Variants in CADM2 observed in about 807,000 individuals in gnomAD.
CADM2 encodes cell adhesion molecule 2.
In CADM2, 12 loss-of-function variants were observed where a neutral mutation model predicts 49.8. That is an observed-to-expected ratio of 0.24 (90% CI 0.15 to 0.39). The LOEUF (loss-of-function observed/expected upper bound fraction) is 0.39. CADM2 is among the 10% of genes least tolerant of loss of function. The pLI is 1.00. For missense variants in CADM2, 378 were observed against 492.3 expected (o/e 0.77, Z 2.20); for synonymous variants, 214 against 175.4 (o/e 1.22, Z -1.74).
At chr3:84,975,837 A>G (rs1468932532) in intron 1 of CADM2, among the ~76,000 whole-genome samples, 2 of 151,882 alleles carry the variant, frequency 1.3e-5, no homozygotes, top group African/African-American at 2.4e-5. Context: ...CTTCTAAACT[A>G]ATAAGCATAA....
At position 85,789,748 on chromosome 3, in the gene CADM2, G is replaced by T. The variant is rs796308141; in HGVS notation, c.89-12299G>T. Among the ~76,000 whole-genome samples, 17 of 152,126 alleles carry T rather than the reference G, an allele frequency of 1.1e-4. 1 individual carries two copies. The highest frequency in any genetic ancestry group is 3.9e-4 in the African/African-American group (16 of 41,512). ...TAATAAAAACAAAATATATTTTAAA[G>T]TCTTCATTACAAAAATCTATTTTTG... is the stretch of plus-strand genomic sequence containing the variant. On this transcript the variant is annotated intron_variant, in intron 2 of 9. Coordinates refer to ENST00000383699, the MANE Select transcript of CADM2 (RefSeq NM_001167675.2).
At chr3:84,974,068 T>G (rs1339470458) in intron 1 of CADM2, among the ~76,000 whole-genome samples, 6 of 152,082 alleles carry the variant, frequency 3.9e-5, no homozygotes, top group Non-Finnish European at 8.8e-5. Flanking sequence ...TGGCATCATA[T>G]TTTACTTCCT....
chr3:85,877,537 T>A (rs986405765), intron 3 of CADM2, among the ~76,000 whole-genome samples: 7 of 152,054 alleles, frequency 4.6e-5, no homozygotes, highest in Non-Finnish European at 5.9e-5. Flanking sequence ...AACCGTAAGG[T>A]AAAATGAAAA....
chr3:85,815,128 A>G (rs924289695), intron 3 of CADM2, among the ~76,000 whole-genome samples: 2 of 152,152 alleles, frequency 1.3e-5, no homozygotes, highest in African/African-American at 2.4e-5. Context: ...GAAAAAGTCC[A>G]GAACCAGACG....
intron 1 of CADM2, among the ~76,000 whole-genome samples, chr3:85,002,233 A>C (rs963375845): frequency 2.6e-5 from 4 of 151,908 alleles, no homozygotes; most frequent in Non-Finnish European, 5.9e-5. Flanking sequence ...TGTTTATGCT[A>C]TATGGTTATT....
chr3:85,760,990 A>G (rs1047524109), intron 2 of CADM2, among the ~76,000 whole-genome samples: 6 of 152,154 alleles, frequency 3.9e-5, no homozygotes, highest in African/African-American at 1.4e-4. Context: ...CATGAGTCCT[A>G]CTGTTAGTAT....
At chr3:85,786,857 T>A (rs1012957528) in intron 2 of CADM2, among the ~76,000 whole-genome samples, 12 of 152,060 alleles carry the variant, frequency 7.9e-5, no homozygotes, top group Admixed American at 7.2e-4. Context: ...GAAAATTATT[T>A]CTATGATATT....
At chr3:85,530,321 C>CTTTTTTTTTTTT (rs2061270952) in intron 1 of CADM2, among the ~76,000 whole-genome samples, 1 of 119,058 alleles carries the variant, frequency 8.4e-6, no homozygotes, top group African/African-American at 3.9e-5. Context: ...TTCTTTTCTC[C>CTTTTTTTTTTTT]GTTTTTTTTT....
chr3:85,889,456 G>T (rs948403975), intron 5 of CADM2, among the ~76,000 whole-genome samples: 1 of 152,110 alleles, frequency 6.6e-6, no homozygotes, highest in Non-Finnish European at 1.5e-5. Context: ...GTGCGTGTTT[G>T]CCATTGTGTT....
At chr3:85,363,615 A>T (rs192345935) in intron 1 of CADM2, among the ~76,000 whole-genome samples, 123 of 152,062 alleles carry the variant, frequency 8.1e-4, no homozygotes, top group African/African-American at 2.8e-3. Context: ...ATTTTATTTT[A>T]TTTATTTTAT....
chr3:85,880,487 G>A (rs1712589440), intron 3 of CADM2, among the ~76,000 whole-genome samples: 1 of 151,906 alleles, frequency 6.6e-6, no homozygotes, highest in African/African-American at 2.4e-5. Context: ...AGACAGTCCT[G>A]CTAGAGGCAA....
At chr3:85,914,125 T>C (rs1717976269) in intron 6 of CADM2, among the ~76,000 whole-genome samples, 1 of 152,192 alleles carries the variant, frequency 6.6e-6, no homozygotes, top group Non-Finnish European at 1.5e-5. Context: ...AACATTATAA[T>C]GTTTAAATGA....
chr3:85,410,578 G>A (rs1373595503), intron 1 of CADM2, among the ~76,000 whole-genome samples: 2 of 152,098 alleles, frequency 1.3e-5, no homozygotes, highest in African/African-American at 4.8e-5. Context: ...AAAATAGAAA[G>A]AATTGGATTA....
chr3:85,436,944 A>G (rs2036959384), intron 1 of CADM2, among the ~76,000 whole-genome samples: 1 of 152,194 alleles, frequency 6.6e-6, no homozygotes, highest in African/African-American at 2.4e-5. Flanking sequence ...GAATGTATTC[A>G]CATTATAGTA....
At chr3:85,740,356 G>T (rs1253007283) in intron 2 of CADM2, among the ~76,000 whole-genome samples, 2 of 152,072 alleles carry the variant, frequency 1.3e-5, no homozygotes, top group Admixed American at 1.3e-4. Context: ...CAGTAATAAA[G>T]ATAATGAACT....
chr3:86,001,932 G>A (rs1730237202), intron 8 of CADM2, among the ~76,000 whole-genome samples: 3 of 152,002 alleles, frequency 2.0e-5, no homozygotes, highest in African/African-American at 7.2e-5. Context: ...GGTCATTATG[G>A]GACTTGGTAT....
intron 1 of CADM2, among the ~76,000 whole-genome samples, chr3:85,212,864 T>TCTCTCTCTCTCTC (rs1220821527): frequency 8.4e-5 from 9 of 107,264 alleles, no homozygotes; most frequent in South Asian, 2.7e-4. Context: ...CTTTCTTTCT[T>TCTCTCTCTCTCTC]TCTTTCTTTC....
chr3:85,617,901 A>G (rs975045371), intron 1 of CADM2, among the ~76,000 whole-genome samples: 2 of 152,344 alleles, frequency 1.3e-5, no homozygotes, highest in Non-Finnish European at 2.9e-5. Flanking sequence ...TTAGAACGTT[A>G]CATATTATAA....
intron 1 of CADM2, among the ~76,000 whole-genome samples, chr3:85,640,605 C>T (rs6765645): frequency 6.6e-6 from 1 of 151,848 alleles, no homozygotes. Flanking sequence ...GGAGCCAAGA[C>T]CTGGTTGGTG....
Sources: gnomAD v4.1 joint callset for allele counts (sites outside exome capture counted in the v4.1 genomes callset) on GRCh38, gnomAD v4.1.1 for gene constraint, MANE v1.5 for transcripts, NCBI Gene and HGNC (gene_info 2026-07-23, HGNC 2026-07-21) for gene names.